ZNF423: variants seen among roughly 807,000 people sequenced by gnomAD.
The protein encoded by ZNF423 is Ebf-associated zinc finger protein.
In ZNF423, 12 loss-of-function variants were observed where a neutral mutation model predicts 95.8. The ratio of observed to expected loss-of-function variants is 0.13; its 90% CI spans 0.08 to 0.20. The LOEUF is 0.20. Ranked by LOEUF, ZNF423 falls within the 10% of genes least tolerant of loss-of-function variation. ZNF423 has a pLI of 1.00. For synonymous variants in ZNF423, 749 were observed against 711.9 expected, an observed-to-expected ratio of 1.05 and a Z score of -0.83; for missense variants, 1,316 against 1,737.1, an observed-to-expected ratio of 0.76 and a Z score of 4.31.
chr16:49,572,513 T>C (rs1194551677), intron 5 of ZNF423, among the ~76,000 whole-genome samples: 4 of 152,184 alleles, frequency 2.6e-5, no homozygotes. Context: ...CATTGATACC[T>C]AGACTGGGCC....
intron 3 of ZNF423, among the ~76,000 whole-genome samples, chr16:49,698,006 C>CGTGT (rs113368908): frequency 4.0e-5 from 6 of 151,444 alleles, no homozygotes; most frequent in African/African-American, 1.5e-4. Context: ...TCTGGGGGTG[C>CGTGT]GTGTGTGTGT....
chr16:49,854,097 GTCC>G, intron 1 of ZNF423: 1 of 985,158 alleles, frequency 1.0e-6, no homozygotes, highest in Non-Finnish European at 1.2e-6. Flanking sequence ...CTTCTTTCCC[GTCC>G]TCTTCTTGGA....
intron 1 of ZNF423, among the ~76,000 whole-genome samples, chr16:49,818,338 T>A (rs1398997664): frequency 6.6e-6 from 1 of 152,108 alleles, no homozygotes; most frequent in African/African-American, 2.4e-5. Flanking sequence ...TGCTACCAAG[T>A]TCCCAGGTGA....
chr16:49,638,161 G>A lies in ZNF423; in HGVS notation c.1015C>T (p.Gln339Ter), dbSNP rs1555515864. The part of the protein sequence containing the change: ...QKHKCPMCPE[Q>*]FSSVEGVYCH... ...TAGACACCTTCCACTGAGGAGAACTGCTCAGGGCACATGGGGCACTTGTGT... is the reference window on the plus strand; with the variant it reads ...TAGACACCTTCCACTGAGGAGAACTACTCAGGGCACATGGGGCACTTGTGT... The change falls in exon 4 of 8, where the codon CAG becomes TAG. Residue 339 changes from glutamine to a stop codon, truncating the protein, a stop_gained. Coordinates refer to ENST00000563137, the MANE Select transcript of ZNF423 (RefSeq NM_001379286.1). LOFTEE classifies it high-confidence loss of function. The surrounding 1 kb of genome is among the most constrained non-coding windows in gnomAD (Gnocchi z 5.6). The A allele has an allele frequency of 6.2e-7, 1 of 1,610,012 alleles. No individual in the cohort carries two copies.
chr16:49,792,039 T>C (rs1007016161), intron 1 of ZNF423, among the ~76,000 whole-genome samples: 11 of 141,740 alleles, frequency 7.8e-5, no homozygotes, highest in African/African-American at 2.9e-4. Context: ...AGTGGATCGG[T>C]GGTTGCCTGG....
chr16:49,643,816 T>C (rs981498956), intron 3 of ZNF423, among the ~76,000 whole-genome samples: 1 of 151,660 alleles, frequency 6.6e-6, no homozygotes, highest in East Asian at 1.9e-4. Context: ...AAAACAAGCA[T>C]AAAAGAGGAG....
At chr16:49,501,646 T>C (rs989666424) in intron 7 of ZNF423, among the ~76,000 whole-genome samples, 11 of 149,256 alleles carry the variant, frequency 7.4e-5, no homozygotes, top group African/African-American at 1.5e-4. Context: ...CAAGAGTGGG[T>C]TGGATAATGA....
chr16:49,531,097 C>T (rs1207563277), intron 5 of ZNF423, among the ~76,000 whole-genome samples: 1 of 152,170 alleles, frequency 6.6e-6, no homozygotes, highest in Non-Finnish European at 1.5e-5. Context: ...GAGGAGGTAG[C>T]CCTGCATGTG....
At chr16:49,612,179 A>G (rs1473557946) in intron 5 of ZNF423, among the ~76,000 whole-genome samples, 1 of 152,088 alleles carries the variant, frequency 6.6e-6, no homozygotes, top group Non-Finnish European at 1.5e-5. Context: ...CAAAGACAGG[A>G]CAAGAATAAA....
intron 3 of ZNF423, among the ~76,000 whole-genome samples, chr16:49,714,041 G>A (rs901508757): frequency 3.3e-5 from 5 of 152,182 alleles, no homozygotes; most frequent in African/African-American, 9.7e-5. Flanking sequence ...GAACCCACCA[G>A]GCACAGTTGC....
intron 3 of ZNF423, among the ~76,000 whole-genome samples, chr16:49,641,199 T>C (rs564956738): frequency 1.3e-5 from 2 of 152,282 alleles, no homozygotes; most frequent in Admixed American, 6.5e-5. Flanking sequence ...AGAGACTTGC[T>C]CTGGGAAATG....
rs533634507 is a variant in ZNF423 at position 49,795,438 on chromosome 16, C to A, written c.41-5892G>T. ...CCACTCCTGCCTGGGGTCAGGCAGGCACTGAACAGAAAACTCTGGCCACAG... is the reference window on the plus strand; with the variant it reads ...CCACTCCTGCCTGGGGTCAGGCAGGAACTGAACAGAAAACTCTGGCCACAG... On this transcript the variant is annotated intron_variant, in intron 1 of 7. Transcript: ENST00000563137. 1.2e-4 allele frequency among the ~76,000 whole-genome samples: 18 copies of A among 152,346 alleles called. No homozygotes were observed. The South Asian group carries it at 3.5e-3, about 30-fold the overall frequency.
intron 5 of ZNF423, among the ~76,000 whole-genome samples, chr16:49,541,315 G>A (rs1251903639): frequency 2.6e-5 from 4 of 152,144 alleles, no homozygotes; most frequent in Admixed American, 6.5e-5. Flanking sequence ...AGAGACAAAC[G>A]TCTTCTCTAA....
chr16:49,706,667 A>C (rs1596889818), intron 3 of ZNF423, among the ~76,000 whole-genome samples: 1 of 152,386 alleles, frequency 6.6e-6, no homozygotes, highest in Non-Finnish European at 1.5e-5. Flanking sequence ...AAAAAATACA[A>C]GAGCAACATG....
intron 3 of ZNF423, among the ~76,000 whole-genome samples, chr16:49,677,287 A>AGAAGAGAAGGGAAGGGAAGG (rs2031122472): frequency 2.4e-5 from 2 of 82,410 alleles, no homozygotes; most frequent in Non-Finnish European, 5.0e-5. Context: ...AGAAGAGAAG[A>AGAAGAGAAGGGAAGGGAAGG]GAAGAGAAGA....
Position 49,616,378 on chromosome 16 carries a change from A to G in ZNF423, c.3601+9792T>C, listed in dbSNP as rs184323649. Among the ~76,000 whole-genome samples, 1,040 of 152,310 alleles carry G rather than the reference A, an allele frequency of 6.8e-3. 8 individuals are homozygous for G. The highest frequency in any genetic ancestry group is 0.012 in the Admixed American group (186 of 15,300). Reference sequence around the variant, plus strand: ...GGATGGTTAGTGGGTACAAAAATATAGTTCGACAGAATCAGTAAGATCTAG... The same window carrying G: ...GGATGGTTAGTGGGTACAAAAATATGGTTCGACAGAATCAGTAAGATCTAG... On this transcript the variant is annotated intron_variant, in intron 5 of 7. Coordinates refer to ENST00000563137, the MANE Select transcript of ZNF423 (RefSeq NM_001379286.1).
intron 5 of ZNF423, among the ~76,000 whole-genome samples, chr16:49,600,764 G>A (rs555854531): frequency 7.9e-5 from 12 of 152,228 alleles, no homozygotes; most frequent in East Asian, 3.9e-4. Flanking sequence ...AGGCTCCCTC[G>A]GCCACAGACC....
chr16:49,770,571 AG>A (rs750019647), intron 2 of ZNF423, among the ~76,000 whole-genome samples: 134 of 152,186 alleles, frequency 8.8e-4, no homozygotes, highest in Middle Eastern at 3.4e-3. Context: ...TGGAAAGGAC[AG>A]GCCCCCCCAG....
At chr16:49,777,379 C>T (rs2034139215) in intron 2 of ZNF423, among the ~76,000 whole-genome samples, 1 of 152,068 alleles carries the variant, frequency 6.6e-6, no homozygotes. Flanking sequence ...AGAGTATGAG[C>T]ATATATATGT....
Sources: gnomAD v4.1 joint callset for allele counts (sites outside exome capture counted in the v4.1 genomes callset) on GRCh38, gnomAD v4.1.1 for gene constraint, Gnocchi (gnomAD v3.1) non-coding constraint, MANE v1.5 for transcripts, NCBI Gene and HGNC (gene_info 2026-07-23, HGNC 2026-07-21) for gene names.